The following NSFL1C variants were observed in gnomAD, a reference collection of about 807,000 sequenced individuals.
NSFL1C encodes the protein NSFL1 cofactor, also known as NSFL1 cofactor p47.
A neutral mutation model predicts 43.1 loss-of-function variants in NSFL1C; 14 were observed. That is an observed-to-expected ratio of 0.32 (90% CI 0.21 to 0.51). NSFL1C has a LOEUF of 0.51. Ranked by LOEUF, NSFL1C falls within the 20% of genes least tolerant of loss-of-function variation. The probability of loss-of-function intolerance (pLI) is 0.98; values close to 1 mark genes in which losing one functional copy is unlikely to be tolerated. For synonymous variants in NSFL1C, 171 were observed against 183.5 expected (o/e 0.93, Z 0.55); for missense variants, 406 against 472.5 (o/e 0.86, Z 1.30).
chr20:1,464,562 C>T, intron 1 of NSFL1C, 136 bp from the exon 2 acceptor site: 1 of 646,834 alleles, frequency 1.5e-6, no homozygotes, highest in Non-Finnish European at 2.7e-6. Context: ...GAAAATTAGA[C>T]CAGAAGGTTA....
Position 1,454,970 on chromosome 20 carries a change from C to A in NSFL1C, c.441G>T (p.Pro147=). 2 of 1,613,208 alleles carry A rather than the reference C, an allele frequency of 1.2e-6. No individual in the cohort carries two copies. Among genetic ancestry groups the A allele is most frequent in the Non-Finnish European group, 1.7e-6 (2 of 1,179,928 alleles). ...AGACAATGACCCTTATACTCACTCTCGGTTTACTGGTCTCTCCAGGGCTCT... is the reference window on the plus strand; with the variant it reads ...AGACAATGACCCTTATACTCACTCTAGGTTTACTGGTCTCTCCAGGGCTCT... ...VTKSPGETSK[P]RPFAGGGYRL... The change falls in exon 4 of 9, where the codon CCG becomes CCT. Residue 147 remains proline (P), a synonymous_variant. Coordinates refer to ENST00000216879, the MANE Select transcript of NSFL1C (RefSeq NM_016143.5).
intron 4 of NSFL1C, 21 bp from the exon 5 acceptor site, chr20:1,454,326 C>T: frequency 1.9e-6 from 3 of 1,563,862 alleles, no homozygotes; most frequent in Non-Finnish European, 2.6e-6. Flanking sequence ...CAAGTTCATA[C>T]ACATTTAAGG....
intron 7 of NSFL1C, among the ~76,000 whole-genome samples, chr20:1,450,071 T>A (rs2090153681): frequency 6.6e-6 from 1 of 152,224 alleles, no homozygotes; most frequent in Non-Finnish European, 1.5e-5. Context: ...CTCAAAATAT[T>A]TTAACTGAGA....
In NSFL1C at chr20:1,442,707, A is replaced by C. The variant is rs1459594515; in HGVS notation, c.*1042T>G. 1 of 152,210 alleles carries C rather than the reference A, an allele frequency of 6.6e-6. No individual in the cohort carries two copies. Among genetic ancestry groups the C allele is most frequent in the Non-Finnish European group, 1.5e-5 (1 of 68,040 alleles). The allele number at this position is 152,210 out of a possible 1,614,324, so 9.4% of individuals were successfully genotyped here. On this transcript the variant is annotated 3_prime_UTR_variant, in exon 9 of 9. Transcript: ENST00000216879. ...GGTCAAAGAACAAGTGTGAAGCAGA[A>C]CCTGCTAAGCAAAGCCAAGTAGTGA...
intron 2 of NSFL1C, among the ~76,000 whole-genome samples, chr20:1,460,099 T>G (rs191224497): frequency 6.6e-6 from 1 of 152,312 alleles, no homozygotes; most frequent in Admixed American, 6.5e-5. Context: ...GGACATGCTA[T>G]TTAAATTCTC....
At chr20:1,464,595 T>C (rs2090473563) in intron 1 of NSFL1C, among the ~76,000 whole-genome samples, 169 bp from the exon 2 acceptor site, 1 of 152,216 alleles carries the variant, frequency 6.6e-6, no homozygotes, top group Admixed American at 6.5e-5. Context: ...TTAGTCTTCG[T>C]GTCAACTGAA....
In NSFL1C at chr20:1,458,270, TA is replaced by T. The variant is rs2090342903; in HGVS notation, c.207del (p.Asp69GlufsTer4). On this transcript the variant is annotated frameshift_variant, in exon 3 of 9. Transcript: ENST00000216879. LOFTEE classifies it high-confidence loss of function. Reference protein sequence around the residue: ...SSVSRGTAPSDNRVTSFRDLI... With the variant: ...SSVSRGTAPSXNRVTSFRDLI... ...AGGTCTCTGAAGGATGTCACTCTAT[TA>T]TCACTGGAGACACAGAAAGGAGCAA... 1 of 1,613,336 alleles carries T rather than the reference TA, an allele frequency of 6.2e-7. No homozygotes were observed. The highest frequency in any genetic ancestry group is 8.5e-7 in the Non-Finnish European group (1 of 1,179,424).
intron 1 of NSFL1C, among the ~76,000 whole-genome samples, chr20:1,466,462 C>T (rs540249019): frequency 6.6e-6 from 1 of 152,352 alleles, no homozygotes; most frequent in South Asian, 2.1e-4. Flanking sequence ...GCCGCAGCGC[C>T]CGAAGTCTCG....
rs189222856 is a variant in NSFL1C at position 1,446,084 on chromosome 20, C to T, written c.786-254G>A. 819 of 555,974 alleles carry T rather than the reference C, an allele frequency of 1.5e-3. 3 individuals carry two copies. The highest frequency in any genetic ancestry group is 2.2e-3 in the South Asian group (118 of 53,592). 34.4% of individuals were successfully genotyped at this position (555,974 alleles called of 1,614,324 possible). A position where few individuals can be genotyped will look rare whatever the true frequency, so the allele number is the denominator to read the frequency against. On this transcript the variant is annotated intron_variant, in intron 7 of 8. Coordinates refer to ENST00000216879, the MANE Select transcript of NSFL1C (RefSeq NM_016143.5). ...GCTCCTGAGTAATGTGGGCAAGTTA[C>T]TCGGCCTTTTTCCTCCTTGGTGTCT... is the stretch of plus-strand genomic sequence containing the variant.
At position 1,455,063 on chromosome 20, in the gene NSFL1C, G is replaced by A. The variant is rs762930021; in HGVS notation, c.348C>T (p.Asn116=). Reference sequence around the variant, plus strand: ...CTTTAAAGAGATCATCCACCAGCTCGTTGGGACTTTTCTTCCTGGGAGGGC... The same window carrying A: ...CTTTAAAGAGATCATCCACCAGCTCATTGGGACTTTTCTTCCTGGGAGGGC... ...IVGPPRKKSP[N]ELVDDLFKGA... The change falls in exon 4 of 9, where the codon AAC becomes AAT. Residue 116 remains asparagine, a synonymous_variant. Transcript: ENST00000216879. 5.0e-6 allele frequency: 8 copies of A among 1,614,088 alleles called. No individual in the cohort carries two copies. The highest frequency in any genetic ancestry group is 2.2e-5 in the East Asian group (1 of 44,882).
chr20:1,454,353 A>G, intron 4 of NSFL1C, 48 bp from the exon 5 acceptor site: 4 of 1,280,816 alleles, frequency 3.1e-6, no homozygotes, highest in Non-Finnish European at 1.1e-6. Flanking sequence ...TCCATGGTAC[A>G]AGGGTTACTC....
intron 2 of NSFL1C, among the ~76,000 whole-genome samples, chr20:1,458,731 G>A (rs550773603): frequency 2.2e-4 from 33 of 152,214 alleles, no homozygotes; most frequent in African/African-American, 7.2e-4. Flanking sequence ...TGGTGATGGG[G>A]CTGCTGGGGA....
intron 2 of NSFL1C, among the ~76,000 whole-genome samples, chr20:1,462,924 AAT>A (rs1488909008): frequency 5.3e-5 from 8 of 152,198 alleles, no homozygotes; most frequent in Non-Finnish European, 1.2e-4. Context: ...CTAAAATTAT[AAT>A]AACAACACAT....
intron 7 of NSFL1C, among the ~76,000 whole-genome samples, chr20:1,447,985 T>C (rs1380605009): frequency 6.6e-6 from 1 of 152,232 alleles, no homozygotes; most frequent in Non-Finnish European, 1.5e-5. Flanking sequence ...ATATTCTGTG[T>C]ATTCCCACCA....
At position 1,442,206 on chromosome 20, in the gene NSFL1C, T is replaced by G. The variant is rs752733236; in HGVS notation, c.*1543A>C. 2.0e-5 allele frequency: 3 copies of G among 152,198 alleles called. No individual in the cohort carries two copies. Among genetic ancestry groups the G allele is most frequent in the Non-Finnish European group, 4.4e-5 (3 of 68,022 alleles). 9.4% of individuals were successfully genotyped at this position (152,198 alleles called of 1,614,324 possible). Reference sequence around the variant, plus strand: ...TTTTTAATGGTCAAGGTGACAACAGTGTACAGTTTTTCCAGACCCATATGT... The same window carrying G: ...TTTTTAATGGTCAAGGTGACAACAGGGTACAGTTTTTCCAGACCCATATGT... On this transcript the variant is annotated 3_prime_UTR_variant, in exon 9 of 9. Transcript: ENST00000216879.
chr20:1,458,513 C>T (rs1470747380), intron 2 of NSFL1C, among the ~76,000 whole-genome samples: 4 of 152,024 alleles, frequency 2.6e-5, no homozygotes, highest in Non-Finnish European at 4.4e-5. Context: ...AAAATGGAAT[C>T]CCAATTTAAG....
intron 2 of NSFL1C, among the ~76,000 whole-genome samples, chr20:1,462,269 G>A (rs1264050878): frequency 2.0e-5 from 3 of 152,156 alleles, no homozygotes; most frequent in Non-Finnish European, 4.4e-5. Flanking sequence ...CCTCTGAGGT[G>A]CTAGCACAAG....
chr20:1,445,722 G>A lies in NSFL1C; in HGVS notation c.894C>T (p.Ile298=). Residue 298 remains isoleucine, a synonymous_variant, in exon 8 of 9, where the codon ATC becomes ATT. Coordinates refer to ENST00000216879, the MANE Select transcript of NSFL1C (RefSeq NM_016143.5). ...LIDESEPTTN[I]QIRLADGGRL... ...TCCCGCCGTCTGCAAGCCGAATTTG[G>A]ATGTTTGTGGTAGGCTCTGATTCGT... 2 of 1,614,016 alleles carry A rather than the reference G, an allele frequency of 1.2e-6. No individual in the cohort carries two copies. Among genetic ancestry groups the A allele is most frequent in the Non-Finnish European group, 1.7e-6 (2 of 1,180,016 alleles).
intron 4 of NSFL1C, 60 bp downstream of exon 4, chr20:1,454,907 T>C: frequency 6.4e-7 from 1 of 1,550,818 alleles, no homozygotes; most frequent in Non-Finnish European, 8.8e-7. Flanking sequence ...GTGAAGAAGG[T>C]GGCATTCCCA....
Sources: gnomAD v4.1 joint callset for allele counts (sites outside exome capture counted in the v4.1 genomes callset) on GRCh38, gnomAD v4.1.1 for gene constraint, MANE v1.5 for transcripts, NCBI Gene and HGNC (gene_info 2026-07-23, HGNC 2026-07-21) for gene names.